Variants in ANTXR1 observed in about 807,000 individuals in gnomAD.
ANTXR1 encodes the protein anthrax toxin receptor 1.
ANTXR1 carries 19 observed loss-of-function variants against 78.1 expected under a neutral mutation model. That is an observed-to-expected ratio of 0.24 (90% CI 0.17 to 0.36). ANTXR1 has a LOEUF of 0.36. Ranked by LOEUF, ANTXR1 falls within the 10% of genes least tolerant of loss-of-function variation. The probability of loss-of-function intolerance (pLI) is 1.00; values close to 1 mark genes in which losing one functional copy is unlikely to be tolerated. For missense variants in ANTXR1, 518 were observed against 718.6 expected (o/e 0.72, Z 3.19); for synonymous variants, 273 against 260.5 (o/e 1.05, Z -0.46).
intron 13 of ANTXR1, among the ~76,000 whole-genome samples, chr2:69,156,363 G>A (rs998360688): frequency 3.9e-5 from 6 of 152,024 alleles, no homozygotes; most frequent in African/African-American, 1.4e-4. Context: ...GAAGTTCTTC[G>A]TTTCTTCCTT....
chr2:69,086,442 G>T (rs536461548), intron 8 of ANTXR1, among the ~76,000 whole-genome samples: 5 of 152,088 alleles, frequency 3.3e-5, no homozygotes, highest in Non-Finnish European at 5.9e-5. Context: ...TCTCTTACTC[G>T]TCCTCCCACC....
intron 3 of ANTXR1, among the ~76,000 whole-genome samples, chr2:69,052,809 T>C (rs920404747): frequency 6.6e-6 from 1 of 152,168 alleles, no homozygotes; most frequent in Non-Finnish European, 1.5e-5. Flanking sequence ...TCTGAGAGAA[T>C]GTTTCATTCA....
intron 17 of ANTXR1, among the ~76,000 whole-genome samples, chr2:69,196,582 G>A (rs1674673155): frequency 6.6e-6 from 1 of 152,154 alleles, no homozygotes; most frequent in Non-Finnish European, 1.5e-5. Flanking sequence ...ATAACCTTAG[G>A]AGACTCACTA....
chr2:69,223,618 C>T (rs182245451), intron 17 of ANTXR1, among the ~76,000 whole-genome samples: 15 of 152,320 alleles, frequency 9.8e-5, no homozygotes, highest in Admixed American at 9.8e-4. Context: ...TCATTGTCAT[C>T]AACACCATCA....
chr2:69,055,759 G>GA (rs1466748011), intron 3 of ANTXR1, among the ~76,000 whole-genome samples: 6 of 151,414 alleles, frequency 4.0e-5, no homozygotes, highest in African/African-American at 1.2e-4. Flanking sequence ...TTATGCTCCA[G>GA]AAAAAAAACA....
rs571400970 is a variant in ANTXR1 at position 69,051,407 on chromosome 2, ATTG to A, written c.296+6597_296+6599del. Among the ~76,000 whole-genome samples, 123 of 152,118 alleles carry A rather than the reference ATTG, an allele frequency of 8.1e-4. 1 individual carries two copies. The highest frequency in any genetic ancestry group is 6.8e-3 in the Middle Eastern group (2 of 294). On this transcript the variant is annotated intron_variant, in intron 3 of 17. Transcript: ENST00000303714. ...CATTTTGACATGTCCTGTTCTTATTATTGTTAATTTTTTAATAGCTATATTTAC... is the reference window on the plus strand; with the variant it reads ...CATTTTGACATGTCCTGTTCTTATTATTAATTTTTTAATAGCTATATTTAC...
chr2:69,081,850 A>G (rs1670909459), intron 8 of ANTXR1, among the ~76,000 whole-genome samples: 1 of 152,252 alleles, frequency 6.6e-6, no homozygotes, highest in Admixed American at 6.5e-5. Context: ...ATCATTTCAC[A>G]TAATCATCTC....
chr2:69,132,508 G>C (rs1006021756), intron 12 of ANTXR1, among the ~76,000 whole-genome samples: 2 of 152,228 alleles, frequency 1.3e-5, no homozygotes, highest in South Asian at 2.1e-4. Flanking sequence ...AAAATCTCTT[G>C]AATTTCACCA....
chr2:69,191,011 A>C (rs950080979), intron 16 of ANTXR1, among the ~76,000 whole-genome samples: 5 of 152,174 alleles, frequency 3.3e-5, no homozygotes, highest in Non-Finnish European at 5.9e-5. Context: ...AAGGGGAAAG[A>C]AAAAAGAGGC....
intron 12 of ANTXR1, among the ~76,000 whole-genome samples, chr2:69,132,987 T>C (rs1482419328): frequency 2.6e-5 from 4 of 152,234 alleles, no homozygotes; most frequent in Admixed American, 2.6e-4. Context: ...ATTCCCCACC[T>C]GTTCCAAAGA....
At chr2:69,039,973 T>A in intron 1 of ANTXR1, 71 bp from the exon 2 acceptor site, 1 of 1,269,082 alleles carries the variant, frequency 7.9e-7, no homozygotes, top group South Asian at 1.2e-5. Context: ...TAACAGAATG[T>A]GAAGATAAAT....
chr2:69,133,344 C>T (rs1010952902), intron 12 of ANTXR1, among the ~76,000 whole-genome samples: 7 of 152,266 alleles, frequency 4.6e-5, no homozygotes, highest in African/African-American at 1.4e-4. Flanking sequence ...CCTGTAGGTT[C>T]CTTCGCCCCA....
chr2:69,084,864 T>C (rs2104261910), intron 8 of ANTXR1, among the ~76,000 whole-genome samples: 1 of 146,508 alleles, frequency 6.8e-6, no homozygotes, highest in South Asian at 2.2e-4. Context: ...TTTTTTTTTT[T>C]TTTTTTGAGG....
At chr2:69,143,705 G>A (rs1444763806) in intron 12 of ANTXR1, among the ~76,000 whole-genome samples, 1 of 152,054 alleles carries the variant, frequency 6.6e-6, no homozygotes, top group African/African-American at 2.4e-5. Context: ...CCACTGAATT[G>A]TACATTTAAA....
At chr2:69,188,034 CAAAAAAAAA>C (rs34500820) in intron 16 of ANTXR1, among the ~76,000 whole-genome samples, 46,420 of 90,752 alleles carry the variant, frequency 0.51, 9,021 homozygotes, top group East Asian at 0.73. Context: ...TGCTGCCTGG[CAAAAAAAAA>C]AAAAAAAAAA....
chr2:69,096,306 G>C (rs7582431), intron 9 of ANTXR1, among the ~76,000 whole-genome samples: 250 of 20,046 alleles, frequency 0.012, 37 homozygotes, highest in Non-Finnish European at 0.018. Context: ...GGGAGGAAGG[G>C]AGGAAGGGAG....
chr2:69,209,850 C>A (rs1674996245), intron 17 of ANTXR1, among the ~76,000 whole-genome samples: 1 of 152,190 alleles, frequency 6.6e-6, no homozygotes, highest in Non-Finnish European at 1.5e-5. Context: ...GGATTTTACT[C>A]TGGATGTAAC....
At chr2:69,232,680 A>G (rs780778053) in intron 17 of ANTXR1, among the ~76,000 whole-genome samples, 10 of 152,218 alleles carry the variant, frequency 6.6e-5, no homozygotes, top group Non-Finnish European at 1.3e-4. Flanking sequence ...TTATTAAACA[A>G]GAAAAAATGA....
intron 3 of ANTXR1, among the ~76,000 whole-genome samples, chr2:69,048,921 C>T (rs1425973846): frequency 6.6e-6 from 1 of 152,184 alleles, no homozygotes; most frequent in African/African-American, 2.4e-5. Flanking sequence ...TGCATTTTCT[C>T]TATACTTATT....
Sources: allele counts gnomAD v4.1 joint callset (sites outside exome capture counted in the v4.1 genomes callset), GRCh38; gene constraint gnomAD v4.1.1; transcripts MANE v1.5; gene names NCBI Gene and HGNC (gene_info 2026-07-23, HGNC 2026-07-21).